Variants in BCR observed in about 807,000 individuals in gnomAD.
BCR encodes breakpoint cluster region protein.
Under a neutral mutation model 138.6 loss-of-function variants are expected in BCR, and 58 were observed. The ratio of observed to expected loss-of-function variants is 0.42; its 90% CI spans 0.34 to 0.52. The LOEUF is 0.52. Ranked by LOEUF, BCR falls within the 20% of genes least tolerant of loss-of-function variation. The pLI, the probability that BCR is intolerant of heterozygous loss-of-function variation, is 0.06. For synonymous variants in BCR, 786 were observed against 730.1 expected, an observed-to-expected ratio of 1.08 and a Z score of -1.23; for missense variants, 1,599 against 1,727.2, an observed-to-expected ratio of 0.93 and a Z score of 1.32.
At chr22:23,272,166 A>G (rs988693004) in intron 6 of BCR, among the ~76,000 whole-genome samples, 1 of 152,248 alleles carries the variant, frequency 6.6e-6, no homozygotes, top group Non-Finnish European at 1.5e-5. Flanking sequence ...GTTTGGTCAT[A>G]AAGTAATCTG....
Position 23,209,572 on chromosome 22 carries a change from C to T in BCR, c.1279+27333C>T, listed in dbSNP as rs995914824. 8.6e-5 allele frequency among the ~76,000 whole-genome samples: 12 copies of T among 138,876 alleles called. No individual in the cohort carries two copies. The East Asian group carries it at 2.2e-3, about 25-fold the overall frequency. The allele number at this position is 138,876 out of a possible 152,430, so 91.1% of individuals were successfully genotyped here. On this transcript the variant is annotated intron_variant, in intron 1 of 22. Transcript: ENST00000305877. Reference sequence around the variant, plus strand: ...TTATTTTATTTTTTTGAGATGGAGTCTCGCTCTGTTGCCCAGGCTGGAGTG... The same window carrying T: ...TTATTTTATTTTTTTGAGATGGAGTTTCGCTCTGTTGCCCAGGCTGGAGTG...
At chr22:23,254,574 C>T (rs779859509) in intron 2 of BCR, 9 of 518,920 alleles carry the variant, frequency 1.7e-5, no homozygotes, top group Admixed American at 1.6e-4. Flanking sequence ...CCCACGCCCC[C>T]CCTCACATGA....
intron 8 of BCR, among the ~76,000 whole-genome samples, chr22:23,277,710 C>T (rs2073594918): frequency 6.6e-6 from 1 of 152,184 alleles, no homozygotes; most frequent in African/African-American, 2.4e-5. Context: ...AGGAGAGGCC[C>T]AGGTATGAGC....
chr22:23,314,206 G>C (rs1278034650), intron 21 of BCR, 133 bp downstream of exon 21: 3 of 733,342 alleles, frequency 4.1e-6, no homozygotes, highest in Admixed American at 4.6e-5. Context: ...ACTGCCTTTG[G>C]CGACTAGTGC....
intron 1 of BCR, among the ~76,000 whole-genome samples, chr22:23,239,839 C>T (rs1256395032): frequency 1.3e-5 from 2 of 151,652 alleles, no homozygotes; most frequent in African/African-American, 2.4e-5. Flanking sequence ...TAAGAGACAG[C>T]GTCTCCCTCT....
intron 1 of BCR, among the ~76,000 whole-genome samples, chr22:23,248,399 G>A (rs1293990733): frequency 2.0e-5 from 3 of 151,468 alleles, no homozygotes; most frequent in Non-Finnish European, 4.4e-5. Context: ...GAGTAGAATT[G>A]CTGGATCATG....
chr22:23,311,368 T>C (rs180800), intron 18 of BCR, among the ~76,000 whole-genome samples: 59,756 of 144,970 alleles, frequency 0.41, 12,685 homozygotes, highest in East Asian at 0.59. Flanking sequence ...CAGCCGGGGG[T>C]ACAGGCTGCT....
intron 1 of BCR, among the ~76,000 whole-genome samples, chr22:23,200,382 A>G (rs2081155145): frequency 6.6e-6 from 1 of 151,858 alleles, no homozygotes; most frequent in African/African-American, 2.4e-5. Context: ...TGGCACACTC[A>G]CAACTCACTG....
At chr22:23,248,844 C>G (rs1374613384) in intron 1 of BCR, among the ~76,000 whole-genome samples, 6 of 152,198 alleles carry the variant, frequency 3.9e-5, no homozygotes, top group African/African-American at 1.4e-4. Context: ...GACCATCAAC[C>G]TCAGTCCTGC....
intron 4 of BCR, among the ~76,000 whole-genome samples, chr22:23,265,286 C>T (rs1480730911): frequency 1.3e-5 from 2 of 152,232 alleles, no homozygotes; most frequent in African/African-American, 4.8e-5. Context: ...CCCATAACGA[C>T]GAGCTGAGTA....
At chr22:23,247,568 A>AG (rs2073170598) in intron 1 of BCR, among the ~76,000 whole-genome samples, 1 of 152,106 alleles carries the variant, frequency 6.6e-6, no homozygotes, top group African/African-American at 2.4e-5. Flanking sequence ...ACATTGGCAG[A>AG]GGTTGGGTCA....
At chr22:23,264,413 C>G (rs1365105297) in intron 4 of BCR, 1 of 743,774 alleles carries the variant, frequency 1.3e-6, no homozygotes, top group Non-Finnish European at 2.4e-6. Context: ...TCAGGGACCT[C>G]TCTTGCATGA....
intron 1 of BCR, chr22:23,242,751 T>C: frequency 2.5e-6 from 1 of 407,910 alleles, no homozygotes; most frequent in South Asian, 1.8e-5. Context: ...CTTAGTGTCC[T>C]GTGGCTTCCT....
chr22:23,210,097 T>A (rs1568934911), intron 1 of BCR, among the ~76,000 whole-genome samples: 2 of 152,222 alleles, frequency 1.3e-5, no homozygotes. Flanking sequence ...CAAAAATACA[T>A]ATCTTGTGAA....
Position 23,208,861 on chromosome 22 carries a change from A to T in BCR, c.1279+26622A>T, listed in dbSNP as rs9624058. On this transcript the variant is annotated intron_variant, in intron 1 of 22. Transcript: ENST00000305877. Reference sequence around the variant, plus strand: ...CAGAGCGAGACTCCGTCTAAAAACAAACCAAAAAAAGCTTCTGGACTCATT... The same window carrying T: ...CAGAGCGAGACTCCGTCTAAAAACATACCAAAAAAAGCTTCTGGACTCATT... Among the ~76,000 whole-genome samples the T allele has an allele frequency of 4.4e-3, 663 of 152,086 alleles. 6 individuals are homozygous for T. The highest frequency in any genetic ancestry group is 0.015 in the African/African-American group (632 of 41,498).
chr22:23,279,270 T>C (rs982035115), intron 8 of BCR, among the ~76,000 whole-genome samples: 7 of 152,190 alleles, frequency 4.6e-5, no homozygotes, highest in South Asian at 2.1e-4. Context: ...CTCGGCCAGA[T>C]TGGCCATGGG....
Position 23,300,134 on chromosome 22 carries a change from C to T in BCR, c.3012+4979C>T, listed in dbSNP as rs192551299. Among the ~76,000 whole-genome samples the T allele has an allele frequency of 2.0e-3, 303 of 152,134 alleles. 3 individuals carry two copies. The highest frequency in any genetic ancestry group is 7.1e-3 in the African/African-American group (294 of 41,500). ...ACCATCATCTCCAGAACTTTTTTTT[C>T]ATCCTCTCAAACTGAAACTCTACAC... On this transcript the variant is annotated intron_variant, in intron 16 of 22. Transcript: ENST00000305877.
intron 1 of BCR, among the ~76,000 whole-genome samples, chr22:23,206,030 T>C (rs2072608754): frequency 6.6e-6 from 1 of 152,164 alleles, no homozygotes; most frequent in Non-Finnish European, 1.5e-5. Context: ...AGGGTAGTCT[T>C]CCAAACCCCA....
chr22:23,292,445 T>A, intron 14 of BCR, 96 bp from the exon 15 acceptor site: 1 of 937,706 alleles, frequency 1.1e-6, no homozygotes, highest in Non-Finnish European at 1.7e-6. Context: ...TTTATTTTTA[T>A]TTTTTCTGAT....
Sources: allele counts gnomAD v4.1 joint callset (sites outside exome capture counted in the v4.1 genomes callset), GRCh38; gene constraint gnomAD v4.1.1; transcripts MANE v1.5; gene names NCBI Gene and HGNC (gene_info 2026-07-23, HGNC 2026-07-21).